The following STX12 variants were observed in gnomAD, a reference collection of about 807,000 sequenced individuals.
STX12 encodes syntaxin-12.
STX12 carries 17 observed loss-of-function variants against 42.2 expected under a neutral mutation model. The ratio of observed to expected loss-of-function variants is 0.40; its 90% CI spans 0.28 to 0.60. The LOEUF (loss-of-function observed/expected upper bound fraction) is 0.60. STX12 is among the 20% of genes least tolerant of loss of function. The probability of loss-of-function intolerance (pLI) is 0.39; values close to 1 mark genes in which losing one functional copy is unlikely to be tolerated. For missense variants in STX12, 297 were observed against 330.9 expected, an observed-to-expected ratio of 0.90 and a Z score of 0.79; for synonymous variants, 108 against 116.7, an observed-to-expected ratio of 0.93 and a Z score of 0.48.
chr1:27,816,012 C>T (rs1408735212), intron 6 of STX12, among the ~76,000 whole-genome samples: 1 of 151,934 alleles, frequency 6.6e-6, no homozygotes, highest in Non-Finnish European at 1.5e-5. Context: ...TCTGTCTCTA[C>T]TAAAAATACA....
chr1:27,790,748 C>T (rs2088734478), intron 2 of STX12, among the ~76,000 whole-genome samples: 1 of 151,930 alleles, frequency 6.6e-6, no homozygotes, highest in Admixed American at 6.6e-5. Flanking sequence ...TCAAGACCAG[C>T]CTGGCCAACA....
At chr1:27,773,498 G>T (rs376046525) in intron 1 of STX12, 73 bp downstream of exon 1, 1 of 1,397,406 alleles carries the variant, frequency 7.2e-7, no homozygotes. Context: ...CCGGGACGCA[G>T]GGCCCGGCTG....
At chr1:27,819,819 C>A in intron 8 of STX12, 87 bp downstream of exon 8, 3 of 1,159,998 alleles carry the variant, frequency 2.6e-6, no homozygotes, top group Non-Finnish European at 2.5e-6. Flanking sequence ...ACAGCTACAG[C>A]CTTTGCTTAG....
intron 7 of STX12, 28 bp from the exon 8 acceptor site, chr1:27,819,621 TA>T (rs1001918095): frequency 8.1e-6 from 13 of 1,606,536 alleles, no homozygotes; most frequent in African/African-American, 1.3e-5. Context: ...CTGAGTGTGT[TA>T]AAACATCCTC....
chr1:27,785,670 T>C (rs933750221), intron 1 of STX12, among the ~76,000 whole-genome samples: 1 of 152,194 alleles, frequency 6.6e-6, no homozygotes, highest in South Asian at 2.1e-4. Flanking sequence ...ATCTAGTTAG[T>C]CGTCAAGTCT....
At chr1:27,800,292 T>C (rs2088818449) in intron 3 of STX12, among the ~76,000 whole-genome samples, 1 of 152,172 alleles carries the variant, frequency 6.6e-6, no homozygotes, top group Admixed American at 6.5e-5. Flanking sequence ...TCTTGAGGCC[T>C]TTCTTGGCCG....
At chr1:27,794,310 A>C (rs1457093606) in intron 3 of STX12, among the ~76,000 whole-genome samples, 5 of 152,176 alleles carry the variant, frequency 3.3e-5, no homozygotes, top group Non-Finnish European at 1.5e-5. Context: ...TACAGGCGTG[A>C]GCCCCATGCC....
At chr1:27,805,073 G>A (rs1377586369) in intron 4 of STX12, among the ~76,000 whole-genome samples, 1 of 152,080 alleles carries the variant, frequency 6.6e-6, no homozygotes, top group Non-Finnish European at 1.5e-5. Flanking sequence ...AGAACAACAA[G>A]GGGAAAACTG....
chr1:27,787,381 G>A (rs1051718891), intron 1 of STX12, among the ~76,000 whole-genome samples: 2 of 152,226 alleles, frequency 1.3e-5, no homozygotes, highest in African/African-American at 2.4e-5. Flanking sequence ...ACTACTGGCC[G>A]GGTGCAGTGG....
At chr1:27,801,627 A>C (rs765619315) in intron 3 of STX12, 51 bp from the exon 4 acceptor site, 132 of 1,448,012 alleles carry the variant, frequency 9.1e-5, no homozygotes, top group Non-Finnish European at 1.1e-4. Flanking sequence ...AATTAAAACC[A>C]AATGATTCTG....
intron 3 of STX12, among the ~76,000 whole-genome samples, chr1:27,800,932 G>C (rs1390534653): frequency 1.3e-5 from 2 of 152,194 alleles, no homozygotes; most frequent in Non-Finnish European, 1.5e-5. Context: ...CCTGTGAAAT[G>C]CTTCTATAGT....
intron 1 of STX12, among the ~76,000 whole-genome samples, chr1:27,780,150 T>C (rs945160571): frequency 1.3e-5 from 2 of 151,932 alleles, no homozygotes; most frequent in African/African-American, 4.8e-5. Flanking sequence ...ATCTAAATTA[T>C]ACAAATCCTC....
At chr1:27,805,577 CTATT>C (rs1415407512) in intron 4 of STX12, among the ~76,000 whole-genome samples, 1 of 152,126 alleles carries the variant, frequency 6.6e-6, no homozygotes, top group Non-Finnish European at 1.5e-5. Context: ...CTGAATTTGA[CTATT>C]TACTTACTTT....
chr1:27,801,703 G>A lies in STX12; in HGVS notation c.314G>A (p.Arg105His), dbSNP rs547356324. 7.7e-6 allele frequency: 12 copies of A among 1,549,414 alleles called. No homozygotes were observed. The highest frequency in any genetic ancestry group is 2.4e-5 in the East Asian group (1 of 41,178). ...CGCCAGCAGAGACTTCAGAAGGAAC[G>A]CCTCATGAATGACTTCTCTGCAGCC... ...EQRQQRLQKE[R>H]LMNDFSAALN... The change falls in exon 4 of 9, where the codon CGC (arginine) becomes CAC (histidine). Residue 105 changes from arginine (R) to histidine (H), a missense_variant. By Grantham distance (29) the Arg-to-His change is conservative (BLOSUM62 0). Transcript: ENST00000373943.
chr1:27,792,738 G>T lies in STX12; in HGVS notation c.189-795G>T, dbSNP rs1366825123. On this transcript the variant is annotated intron_variant, in intron 2 of 8. Coordinates refer to ENST00000373943, the MANE Select transcript of STX12 (RefSeq NM_177424.3). ...ATTAGGATTTCAACATATGAATTTT[G>T]CAGGGACACTAACATTCAGATCATA... Among the ~76,000 whole-genome samples, 8 of 152,064 alleles carry T rather than the reference G, an allele frequency of 5.3e-5. No homozygotes were observed. The East Asian group carries it at 1.2e-3, about 22-fold the overall frequency.
chr1:27,775,690 G>A (rs910644255), intron 1 of STX12, among the ~76,000 whole-genome samples: 1 of 152,188 alleles, frequency 6.6e-6, no homozygotes, highest in Non-Finnish European at 1.5e-5. Context: ...TGCTATAGAA[G>A]ACATATAAAT....
intron 6 of STX12, among the ~76,000 whole-genome samples, chr1:27,814,345 T>C (rs1454996932): frequency 6.6e-6 from 1 of 150,466 alleles, no homozygotes; most frequent in Non-Finnish European, 1.5e-5. Flanking sequence ...GCCTGGGCAG[T>C]GTAGCAAGAC....
chr1:27,786,217 C>G (rs908923231), intron 1 of STX12, among the ~76,000 whole-genome samples: 1 of 152,194 alleles, frequency 6.6e-6, no homozygotes, highest in African/African-American at 2.4e-5. Flanking sequence ...TCTGCTGTCT[C>G]TTGCTCACTC....
chr1:27,779,327 GTTTTTGTTTT>G (rs554367947), intron 1 of STX12, among the ~76,000 whole-genome samples: 115 of 144,272 alleles, frequency 8.0e-4, no homozygotes, highest in South Asian at 1.9e-3. Flanking sequence ...GGTTTTTTTT[GTTTTTGTTTT>G]TTTTTGTTTT....
Sources: gnomAD v4.1 joint callset for allele counts (sites outside exome capture counted in the v4.1 genomes callset) on GRCh38, gnomAD v4.1.1 for gene constraint, MANE v1.5 for transcripts, NCBI Gene and HGNC (gene_info 2026-07-23, HGNC 2026-07-21) for gene names.